Variants in PDE10A observed in about 807,000 individuals in gnomAD.
The protein encoded by PDE10A is cAMP and cAMP-inhibited cGMP 3',5'-cyclic phosphodiesterase 10A.
Under a neutral mutation model 97.7 loss-of-function variants are expected in PDE10A, and 39 were observed. That is an observed-to-expected ratio of 0.40 (90% CI 0.31 to 0.52). The LOEUF (loss-of-function observed/expected upper bound fraction) is 0.52. Among genes scored for constraint, PDE10A ranks in the 20% least tolerant of loss-of-function variants. The pLI, the probability that PDE10A is intolerant of heterozygous loss-of-function variation, is 0.56. For synonymous variants in PDE10A, 371 were observed against 376.8 expected (o/e 0.98, Z 0.18); for missense variants, 731 against 1,047.8 (o/e 0.70, Z 4.17).
intron 1 of PDE10A, among the ~76,000 whole-genome samples, chr6:165,577,538 C>T (rs1308377949): frequency 6.6e-6 from 1 of 152,180 alleles, no homozygotes; most frequent in African/African-American, 2.4e-5. Context: ...CGACCCCCAT[C>T]TCTGGGTGCC....
intron 18 of PDE10A, among the ~76,000 whole-genome samples, chr6:165,367,607 G>T (rs1311372625): frequency 7.9e-5 from 12 of 151,206 alleles, no homozygotes; most frequent in Non-Finnish European, 1.5e-4. Flanking sequence ...CAGGGTAAAA[G>T]ATCACAGTAT....
At chr6:165,808,768 G>A (rs889402705) in intron 1 of PDE10A, among the ~76,000 whole-genome samples, 3 of 152,052 alleles carry the variant, frequency 2.0e-5, no homozygotes, top group Non-Finnish European at 2.9e-5. Flanking sequence ...CTTATTCTAC[G>A]GCATATGCAT....
chr6:165,856,213 G>T (rs1780727879), intron 1 of PDE10A, among the ~76,000 whole-genome samples: 1 of 152,152 alleles, frequency 6.6e-6, no homozygotes, highest in Non-Finnish European at 1.5e-5. Flanking sequence ...GAAAGGGCCT[G>T]GAAATCCTTG....
In PDE10A at chr6:165,708,472, G is replaced by A. The variant is rs540978157; in HGVS notation, c.-614-164904C>T. 3.0e-4 allele frequency among the ~76,000 whole-genome samples: 45 copies of A among 152,044 alleles called. No homozygotes were observed. The South Asian group carries it at 7.9e-3, about 27-fold the overall frequency. ...CACCAGAACCCTGCATTTCATGTCC[G>A]CTCAGGGACTTCTGGACGGATATTT... On this transcript the variant is annotated intron_variant, in intron 1 of 19. Transcript: ENST00000366882.
At chr6:165,976,771 C>T (rs1784857797) in intron 1 of PDE10A, among the ~76,000 whole-genome samples, 1 of 152,222 alleles carries the variant, frequency 6.6e-6, no homozygotes, top group Admixed American at 6.5e-5. Context: ...ACACACCACA[C>T]CAGCTCACAA....
chr6:165,901,868 C>G (rs1037177950), intron 1 of PDE10A, among the ~76,000 whole-genome samples: 7 of 74,640 alleles, frequency 9.4e-5, no homozygotes, highest in African/African-American at 4.2e-4. Context: ...GTCCCCATGA[C>G]TAAGCCCAGC....
intron 1 of PDE10A, among the ~76,000 whole-genome samples, chr6:165,899,723 G>T (rs1782052694): frequency 6.6e-6 from 1 of 152,200 alleles, no homozygotes; most frequent in Non-Finnish European, 1.5e-5. Context: ...CGCTGGCCGG[G>T]CTGTACCAGG....
intron 13 of PDE10A, among the ~76,000 whole-genome samples, chr6:165,407,542 A>C (rs1322832972): frequency 1.3e-5 from 2 of 152,248 alleles, no homozygotes; most frequent in Non-Finnish European, 2.9e-5. Flanking sequence ...AGTCATCTTT[A>C]TATCCACCAT....
intron 1 of PDE10A, among the ~76,000 whole-genome samples, chr6:165,955,757 C>A (rs546679750): frequency 6.6e-6 from 1 of 152,142 alleles, no homozygotes; most frequent in Admixed American, 6.5e-5. Flanking sequence ...ATTCTAGTAA[C>A]GTGTTAACTA....
intron 15 of PDE10A, 40 bp from the exon 16 acceptor site, chr6:165,392,836 G>A: frequency 1.3e-6 from 2 of 1,590,754 alleles, no homozygotes; most frequent in Non-Finnish European, 1.7e-6. Context: ...AACCAGTAGA[G>A]AATCACTATG....
At chr6:165,367,581 T>A (rs1479445662) in intron 18 of PDE10A, among the ~76,000 whole-genome samples, 3 of 150,994 alleles carry the variant, frequency 2.0e-5, no homozygotes, top group African/African-American at 4.9e-5. Flanking sequence ...CCAAGAAGAA[T>A]GACTGTAAAA....
chr6:165,873,016 C>G (rs986955795), intron 1 of PDE10A, among the ~76,000 whole-genome samples: 2 of 152,166 alleles, frequency 1.3e-5, no homozygotes, highest in Admixed American at 6.5e-5. Flanking sequence ...GAGGCAGATG[C>G]GTTCACATCC....
chr6:165,384,361 C>T (rs112363363), intron 17 of PDE10A, among the ~76,000 whole-genome samples: 74 of 152,194 alleles, frequency 4.9e-4, no homozygotes, highest in African/African-American at 1.4e-3. Flanking sequence ...TACACAGCGA[C>T]GGGCCCCAAA....
intron 1 of PDE10A, among the ~76,000 whole-genome samples, chr6:165,786,858 T>A (rs369216239): frequency 7.2e-5 from 11 of 152,242 alleles, no homozygotes; most frequent in African/African-American, 2.7e-4. Context: ...TGATATGTAC[T>A]AATGATTTTC....
chr6:165,633,305 C>T (rs539256966), intron 1 of PDE10A, among the ~76,000 whole-genome samples: 1 of 152,232 alleles, frequency 6.6e-6, no homozygotes, highest in South Asian at 2.1e-4. Flanking sequence ...TAAAGGGGCA[C>T]AGGTTGGCAC....
intron 1 of PDE10A, among the ~76,000 whole-genome samples, chr6:165,691,463 G>A (rs1016202439): frequency 1.1e-4 from 17 of 152,116 alleles, no homozygotes; most frequent in African/African-American, 2.4e-4. Context: ...CCATCCAGCC[G>A]TGTGTCAGCA....
intron 2 of PDE10A, among the ~76,000 whole-genome samples, chr6:165,509,318 C>T (rs1485389691): frequency 1.3e-5 from 2 of 152,018 alleles, no homozygotes; most frequent in Non-Finnish European, 2.9e-5. Flanking sequence ...ATTTTCCCAG[C>T]ACCATTTATT....
At chr6:165,730,580 G>A (rs553012460) in intron 1 of PDE10A, among the ~76,000 whole-genome samples, 1 of 148,432 alleles carries the variant, frequency 6.7e-6, no homozygotes, top group African/African-American at 2.5e-5. Flanking sequence ...GGTGAAACCC[G>A]GTCTCCACTA....
intron 1 of PDE10A, among the ~76,000 whole-genome samples, chr6:165,608,079 T>TATAC (rs1562625102): frequency 1.4e-3 from 190 of 136,706 alleles, no homozygotes; most frequent in African/African-American, 6.1e-3. Flanking sequence ...TATATGTATA[T>TATAC]ATGTATATAT....
Sources: gnomAD v4.1 joint callset for allele counts (sites outside exome capture counted in the v4.1 genomes callset) on GRCh38, gnomAD v4.1.1 for gene constraint, MANE v1.5 for transcripts, NCBI Gene and HGNC (gene_info 2026-07-23, HGNC 2026-07-21) for gene names.